The following SNX31 variants were observed in gnomAD, a reference collection of about 807,000 sequenced individuals.
SNX31 encodes sorting nexin-31.
A neutral mutation model predicts 65.4 loss-of-function variants in SNX31; 58 were observed. The observed-to-expected ratio is 0.89, with a 90% CI of 0.72 to 1.10. The LOEUF (loss-of-function observed/expected upper bound fraction) is 1.10, where lower values mean the gene tolerates loss of function less well. Among genes scored for constraint, SNX31 ranks in the 50% least tolerant of loss-of-function variants. SNX31 has a pLI of 0.00. For synonymous variants in SNX31, 181 were observed against 190.1 expected (o/e 0.95, Z 0.39); for missense variants, 523 against 529.7 (o/e 0.99, Z 0.12).
rs969138258 is a variant in SNX31, at chr8:100,596,756, T to G, written c.861A>C (p.Gly287=). The G allele has an allele frequency of 6.2e-7, 1 of 1,613,816 alleles. No homozygotes were observed. The highest frequency in any genetic ancestry group is 1.3e-5 in the African/African-American group (1 of 74,844). Residue 287 remains glycine (G), a synonymous_variant, in exon 10 of 14, where the codon GGA becomes GGC. Coordinates refer to ENST00000311812, the MANE Select transcript of SNX31 (RefSeq NM_152628.4). ...CATTATTGCCAACAGAAAGAACAGCTCCAGAGCCTGATTCTGGGTAGTCAC... is the reference window on the plus strand; with the variant it reads ...CATTATTGCCAACAGAAAGAACAGCGCCAGAGCCTGATTCTGGGTAGTCAC... ...CTCDYPESGS[G]AVLSVGNNEI...
At chr8:100,608,980 G>A (rs1352301567) in intron 7 of SNX31, among the ~76,000 whole-genome samples, 1 of 152,152 alleles carries the variant, frequency 6.6e-6, no homozygotes, top group Admixed American at 6.5e-5. Context: ...GCTGCTCTGG[G>A]AGCCTCCTTT....
chr8:100,594,961 C>T lies in SNX31; in HGVS notation c.978+1678G>A, dbSNP rs959078995. Among the ~76,000 whole-genome samples, 8 of 152,286 alleles carry T rather than the reference C, an allele frequency of 5.3e-5. No individual in the cohort carries two copies. Among genetic ancestry groups the T allele is most frequent in the African/African-American group, 1.9e-4 (8 of 41,566 alleles). On this transcript the variant is annotated intron_variant, in intron 10 of 13. Coordinates refer to ENST00000311812, the MANE Select transcript of SNX31 (RefSeq NM_152628.4). The surrounding 1 kb of genome is among the most constrained non-coding windows in gnomAD (Gnocchi z 4.0). ...ATCCAGACCATGGACTGCTGCTCAACAATAAAAAGAGACAAACTACTGATA... is the reference window on the plus strand; with the variant it reads ...ATCCAGACCATGGACTGCTGCTCAATAATAAAAAGAGACAAACTACTGATA...
rs534666026 is a variant in SNX31 at position 100,629,668 on chromosome 8, T to C, written c.321+659A>G. 6.6e-6 allele frequency among the ~76,000 whole-genome samples: 1 copy of C among 152,360 alleles called. No individual in the cohort carries two copies. Among genetic ancestry groups the C allele is most frequent in the South Asian group, 2.1e-4 (1 of 4,830 alleles). On this transcript the variant is annotated intron_variant, in intron 4 of 13. Transcript: ENST00000311812. The surrounding 1 kb of genome is among the most constrained non-coding windows in gnomAD (Gnocchi z 5.1). ...TGCGGAACTTAAATTCTTTCAGAGC[T>C]TTTCCAGCCAAGCTCATACATACAG... is the stretch of plus-strand genomic sequence containing the variant.
chr8:100,590,842 A>C (rs1341071297), intron 10 of SNX31, among the ~76,000 whole-genome samples: 1 of 152,188 alleles, frequency 6.6e-6, no homozygotes, highest in Non-Finnish European at 1.5e-5. Flanking sequence ...GTTTTCAGAC[A>C]CTGAACAACA....
chr8:100,641,587 TATATATATACAC>T lies in SNX31; in HGVS notation c.142-5588_142-5577del, dbSNP rs1435061804. 2.5e-3 allele frequency among the ~76,000 whole-genome samples: 58 copies of T among 23,428 alleles called. 1 individual carries two copies. The highest frequency in any genetic ancestry group is 0.017 in the African/African-American group (52 of 3,094). 15.4% of individuals were successfully genotyped at this position (23,428 alleles called of 152,430 possible). A position where few individuals can be genotyped will look rare whatever the true frequency, so the allele number is the denominator to read the frequency against. ...AAAAATATATATATATATATATATA[TATATATATACAC>T]ATACACACACACACGCACACACGCG... On this transcript the variant is annotated intron_variant, in intron 2 of 13. Transcript: ENST00000311812.
chr8:100,616,711 G>T (rs1020644190), intron 5 of SNX31, among the ~76,000 whole-genome samples: 1 of 152,140 alleles, frequency 6.6e-6, no homozygotes, highest in South Asian at 2.1e-4. Context: ...ACGGAGAGAC[G>T]ATGAATATAA....
intron 9 of SNX31, among the ~76,000 whole-genome samples, chr8:100,597,404 A>G (rs138202989): frequency 0.043 from 6,565 of 152,036 alleles, 479 homozygotes; most frequent in African/African-American, 0.15. Flanking sequence ...ACCACACCCA[A>G]CTAATTTTTG....
At position 100,648,298 on chromosome 8, in the gene SNX31, A is replaced by G. The variant is rs926939911; in HGVS notation, c.141+976T>C. Among the ~76,000 whole-genome samples, 8 of 151,208 alleles carry G rather than the reference A, an allele frequency of 5.3e-5. No individual in the cohort carries two copies. The highest frequency in any genetic ancestry group is 1.9e-4 in the African/African-American group (8 of 41,040). Reference sequence around the variant, plus strand: ...AACAAAAACAGCTGTTACCTCTGGGAAAGTTTTTTCAGTTTTCTCTACACT... The same window carrying G: ...AACAAAAACAGCTGTTACCTCTGGGGAAGTTTTTTCAGTTTTCTCTACACT... On this transcript the variant is annotated intron_variant, in intron 2 of 13. Coordinates refer to ENST00000311812, the MANE Select transcript of SNX31 (RefSeq NM_152628.4). The surrounding 1 kb of genome is among the most constrained non-coding windows in gnomAD (Gnocchi z 4.3).
At chr8:100,657,310 G>T (rs1820067091) in intron 1 of SNX31, among the ~76,000 whole-genome samples, 1 of 152,016 alleles carries the variant, frequency 6.6e-6, no homozygotes, top group Non-Finnish European at 1.5e-5. Flanking sequence ...AAATTAGCCA[G>T]GTATGGTGGT....
In SNX31 at chr8:100,617,696, A is replaced by G. The variant is rs538201904; in HGVS notation, c.356T>C (p.Leu119Pro). The change falls in exon 5 of 14, where the codon CTG becomes CCG. Residue 119 changes from leucine (L) to proline (P), a missense_variant. Transcript: ENST00000311812. The part of the protein sequence containing the change: ...TFDIATKKAY[L>P]DIFLPNEQSI... ...CTGTTCATTGGGCAGAAATATGTCC[A>G]GATAAGCTTTCTTGGTGGCGATGTC... is the stretch of plus-strand genomic sequence containing the variant. The G allele has an allele frequency of 1.9e-6, 3 of 1,613,740 alleles. No individual in the cohort carries two copies. The highest frequency in any genetic ancestry group is 2.2e-5 in the South Asian group (2 of 91,028).
chr8:100,652,533 GATTTTAAAAA>G (rs977706553), upstream of SNX31, among the ~76,000 whole-genome samples: 7 of 152,136 alleles, frequency 4.6e-5, no homozygotes, highest in Non-Finnish European at 1.0e-4. Flanking sequence ...CTTATTTACA[GATTTTAAAAA>G]GAGGCCATTT....
intron 1 of SNX31, among the ~76,000 whole-genome samples, chr8:100,661,108 C>T (rs920035469): frequency 1.9e-4 from 28 of 151,338 alleles, no homozygotes; most frequent in African/African-American, 4.9e-4. Flanking sequence ...CAGGTTCAAG[C>T]GATTCTCCTG....
At chr8:100,577,217 T>A in intron 12 of SNX31, 142 bp from the exon 13 acceptor site, 3 of 661,518 alleles carry the variant, frequency 4.5e-6, no homozygotes, top group Non-Finnish European at 5.3e-6. Flanking sequence ...CACCTGCTTG[T>A]CATCTGTGCA....
At position 100,595,923 on chromosome 8, in the gene SNX31, A is replaced by G. The variant is rs190650196; in HGVS notation, c.978+716T>C. ...GAATGCTCAGAGGGAGAAGTGGCCTACAAAAGTAGGGGAGAAAGGAGAGAG... is the reference window on the plus strand; with the variant it reads ...GAATGCTCAGAGGGAGAAGTGGCCTGCAAAAGTAGGGGAGAAAGGAGAGAG... On this transcript the variant is annotated intron_variant, in intron 10 of 13. Coordinates refer to ENST00000311812, the MANE Select transcript of SNX31 (RefSeq NM_152628.4). 4.6e-5 allele frequency among the ~76,000 whole-genome samples: 7 copies of G among 152,330 alleles called. No homozygotes were observed. The East Asian group carries it at 1.3e-3, about 29-fold the overall frequency.
At chr8:100,577,119 C>A in intron 12 of SNX31, 44 bp from the exon 13 acceptor site, 1 of 1,518,322 alleles carries the variant, frequency 6.6e-7, no homozygotes, top group Non-Finnish European at 9.1e-7. Context: ...CCCAGAGAAG[C>A]AAGCACACAA....
intron 2 of SNX31, among the ~76,000 whole-genome samples, chr8:100,636,298 C>T (rs1818770361): frequency 6.6e-6 from 1 of 152,190 alleles, no homozygotes. Context: ...ACAAGACTAG[C>T]CACTGCTCAC....
chr8:100,641,941 T>C (rs1460987772), intron 2 of SNX31, among the ~76,000 whole-genome samples: 1 of 151,698 alleles, frequency 6.6e-6, no homozygotes, highest in African/African-American at 2.4e-5. Flanking sequence ...TAGCCGGGCT[T>C]GGTGGCAGGT....
rs1482305156 is a variant in SNX31 at position 100,660,655 on chromosome 8, C to T, written c.-58+2487G>A. Among the ~76,000 whole-genome samples the T allele has an allele frequency of 6.6e-6, 1 of 152,210 alleles. No homozygotes were observed. Among genetic ancestry groups the T allele is most frequent in the Admixed American group, 6.5e-5 (1 of 15,282 alleles). ...GAAAGTTCCTATATTCAGCCTTCCCCACTAACACTGGCCTGGCCTCTCCCA... is the reference window on the plus strand; with the variant it reads ...GAAAGTTCCTATATTCAGCCTTCCCTACTAACACTGGCCTGGCCTCTCCCA... On this transcript the variant is annotated intron_variant, in intron 1 of 5. Coordinates refer to the SNX31 transcript ENST00000520352. This position sits in a 1 kb window ranked among gnomAD's most constrained non-coding sequence, Gnocchi z 4.1.
At position 100,581,337 on chromosome 8, in the gene SNX31, C is replaced by CTATATATATATCTATATCTATATA. The variant is rs1554570494; in HGVS notation, c.1170+2773_1170+2774insTATATAGATATAGATATATATATA. 8.1e-4 allele frequency among the ~76,000 whole-genome samples: 102 copies of CTATATATATATCTATATCTATATA among 125,460 alleles called. 2 individuals carry two copies. Among genetic ancestry groups the CTATATATATATCTATATCTATATA allele is most frequent in the African/African-American group, 3.0e-3 (95 of 32,194 alleles). The allele number at this position is 125,460 out of a possible 152,430, so 82.3% of individuals were successfully genotyped here. Reference sequence around the variant, plus strand: ...TATATATCTATATCTATCTATCTATCTATATATATATATATATATAATTTA... The same window carrying CTATATATATATCTATATCTATATA: ...TATATATCTATATCTATCTATCTATCTATATATATATCTATATCTATATATATATATATATATATATATAATTTA... On this transcript the variant is annotated intron_variant, in intron 12 of 13. Coordinates refer to ENST00000311812, the MANE Select transcript of SNX31 (RefSeq NM_152628.4).
Sources: gnomAD v4.1 joint callset for allele counts (sites outside exome capture counted in the v4.1 genomes callset) on GRCh38, gnomAD v4.1.1 for gene constraint, Gnocchi (gnomAD v3.1) non-coding constraint, MANE v1.5 for transcripts, NCBI Gene and HGNC (gene_info 2026-07-23, HGNC 2026-07-21) for gene names.